The following RPS6KB2 variants were observed in gnomAD, a reference collection of about 807,000 sequenced individuals.
RPS6KB2 encodes ribosomal protein S6 kinase beta-2.
Under a neutral mutation model 58.2 loss-of-function variants are expected in RPS6KB2, and 51 were observed. That is an observed-to-expected ratio of 0.88 (90% confidence interval 0.70 to 1.11). The LOEUF (loss-of-function observed/expected upper bound fraction) is 1.11, where lower values mean the gene tolerates loss of function less well. Among genes scored for constraint, RPS6KB2 ranks in the 50% least tolerant of loss-of-function variants. RPS6KB2 has a pLI of 0.00. For synonymous variants in RPS6KB2, 293 were observed against 258.6 expected (o/e 1.13, Z -1.28); for missense variants, 671 against 655.8 (o/e 1.02, Z -0.25).
In RPS6KB2 at chr11:67,435,156, G is replaced by A. The variant is rs1028574404; in HGVS notation, c.1436G>A (p.Arg479His). The A allele has an allele frequency of 2.7e-5, 43 of 1,582,916 alleles. No individual in the cohort carries two copies. The highest frequency in any genetic ancestry group is 3.3e-5 in the Non-Finnish European group (39 of 1,169,406). Residue 479 changes from arginine to histidine, a missense_variant, in exon 15 of 15, where the codon CGT becomes CAT. Arg to His is a conservative substitution (Grantham distance 29). Transcript: ENST00000312629. ...GTKKSKRGRG[R>H]PGR is the part of the protein sequence containing the mutation. Reference sequence around the variant, plus strand: ...AAGAAGTCCAAGAGGGGCCGTGGGCGTCCAGGGCGCTAGGAAGCCGGGTGG... The same window carrying A: ...AAGAAGTCCAAGAGGGGCCGTGGGCATCCAGGGCGCTAGGAAGCCGGGTGG...
At position 67,434,064 on chromosome 11, in the gene RPS6KB2, T is replaced by G; in HGVS notation, c.969+7T>G. 1 of 1,613,984 alleles carries G rather than the reference T, an allele frequency of 6.2e-7. No individual in the cohort carries two copies. The highest frequency in any genetic ancestry group is 8.5e-7 in the Non-Finnish European group (1 of 1,179,932). Reference sequence around the variant, plus strand: ...GGATGCTGCTGATGTGCAGGTGGGTTTGGGACCACCACCAGGGGTAGGGCT... The same window carrying G: ...GGATGCTGCTGATGTGCAGGTGGGTGTGGGACCACCACCAGGGGTAGGGCT... On this transcript the variant is annotated splice_region_variant and intron_variant, in intron 11 of 14. Coordinates refer to ENST00000312629, the MANE Select transcript of RPS6KB2 (RefSeq NM_003952.3).
rs767085004 is a variant in RPS6KB2 at position 67,431,520 on chromosome 11, G to A, written c.457+5G>A. Reference sequence around the variant, plus strand: ...TCATCCTTGAGTGCCTCAGTGGTATGAGTGCGGGCCCAGGCAGGGGTGCTG... The same window carrying A: ...TCATCCTTGAGTGCCTCAGTGGTATAAGTGCGGGCCCAGGCAGGGGTGCTG... On this transcript the variant is annotated splice_donor_5th_base_variant and intron_variant, in intron 5 of 14. Coordinates refer to ENST00000312629, the MANE Select transcript of RPS6KB2 (RefSeq NM_003952.3). 3 of 1,613,876 alleles carry A rather than the reference G, an allele frequency of 1.9e-6. No individual in the cohort carries two copies. The highest frequency in any genetic ancestry group is 3.3e-5 in the Admixed American group (2 of 60,012).
In RPS6KB2 at chr11:67,433,058, C is replaced by T. The variant is rs367565835; in HGVS notation, c.707+16C>T. 2.0e-4 allele frequency: 317 copies of T among 1,612,808 alleles called. No individual in the cohort carries two copies. The highest frequency in any genetic ancestry group is 2.6e-4 in the Non-Finnish European group (309 of 1,179,862). ...TTGAGTACATGTAAGTGGCACCTGGCTGGCCCAGGGGTCGGGAGGACAGCC... is the reference window on the plus strand; with the variant it reads ...TTGAGTACATGTAAGTGGCACCTGGTTGGCCCAGGGGTCGGGAGGACAGCC... On this transcript the variant is annotated intron_variant, in intron 8 of 14. Coordinates refer to ENST00000312629, the MANE Select transcript of RPS6KB2 (RefSeq NM_003952.3).
chr11:67,434,572 C>T lies in RPS6KB2; in HGVS notation c.1156-10C>T, dbSNP rs1565149010. 8 of 1,599,120 alleles carry T rather than the reference C, an allele frequency of 5.0e-6. No homozygotes were observed. The highest frequency in any genetic ancestry group is 3.3e-5 in the South Asian group (3 of 90,132). On this transcript the variant is annotated splice_polypyrimidine_tract_variant and intron_variant, in intron 13 of 14. Transcript: ENST00000312629. ...ACTGAGTGTCGCATGGCCCTGCCTC[C>T]GCCCCCCAGGGCTTCACATACGTGG...
Position 67,430,902 on chromosome 11 carries a change from A to C in RPS6KB2, c.310-466A>C, listed in dbSNP as rs1441138448. ...CCGAGGTTGAGAAACCCTGTGTTAG[A>C]GGATAAACCCATCCCTGAAAATGAT... On this transcript the variant is annotated intron_variant, in intron 4 of 14. Transcript: ENST00000312629. 3 of 153,980 alleles carry C rather than the reference A, an allele frequency of 1.9e-5. No individual in the cohort carries two copies. In the East Asian group the frequency reaches 5.8e-4, roughly 30 times the overall value. The allele number at this position is 153,980 out of a possible 1,614,324, so 9.5% of individuals were successfully genotyped here.
chr11:67,429,231 C>A lies in RPS6KB2; in HGVS notation c.231C>A (p.Gly77=), dbSNP rs763046615. ...FELLRVLGKG[G]YGKVFQVRKV... is the part of the protein sequence containing the mutation. The stretch of plus-strand genomic sequence containing the variant: ...TGCTGCGTGTGCTGGGCAAGGGGGG[C>A]TATGGCAAGGTAGGGGCGGGCGCAC... Residue 77 remains glycine, a synonymous_variant, in exon 3 of 15, where the codon GGC becomes GGA. Coordinates refer to ENST00000312629, the MANE Select transcript of RPS6KB2 (RefSeq NM_003952.3). 1 of 1,613,218 alleles carries A rather than the reference C, an allele frequency of 6.2e-7. No individual in the cohort carries two copies. The highest frequency in any genetic ancestry group is 1.7e-5 in the Admixed American group (1 of 60,022).
chr11:67,433,146 G>A lies in RPS6KB2; in HGVS notation c.728G>A (p.Arg243His). ...CCCAGGGCCCCTGAGATTCTGGTGC[G>A]CAGTGGCCACAACCGGGCTGTGGAC... is the stretch of plus-strand genomic sequence containing the variant. Reference protein sequence around the residue: ...IEYMAPEILVRSGHNRAVDWW... With the variant: ...IEYMAPEILVHSGHNRAVDWW... The change falls in exon 9 of 15, where the codon CGC becomes CAC. Residue 243 changes from arginine (R) to histidine (H), a missense_variant. Coordinates refer to ENST00000312629, the MANE Select transcript of RPS6KB2 (RefSeq NM_003952.3). The A allele has an allele frequency of 1.2e-6, 2 of 1,603,440 alleles. No individual in the cohort carries two copies. Among genetic ancestry groups the A allele is most frequent in the Non-Finnish European group, 1.7e-6 (2 of 1,176,212 alleles).
At position 67,429,756 on chromosome 11, in the gene RPS6KB2, C is replaced by G. The variant is rs1863964158; in HGVS notation, c.309+161C>G. 1.1e-5 allele frequency: 7 copies of G among 613,188 alleles called. No homozygotes were observed. The South Asian group carries it at 1.2e-4, about 10-fold the overall frequency. 38.0% of individuals were successfully genotyped at this position (613,188 alleles called of 1,614,324 possible). On this transcript the variant is annotated intron_variant, in intron 4 of 14. Coordinates refer to ENST00000312629, the MANE Select transcript of RPS6KB2 (RefSeq NM_003952.3). ...TGATGTGTATTGTCTTGCAGTAATT[C>G]TCAATGGGGGCAATTTTGACTCCCA...
At chr11:67,434,735 C>A in intron 14 of RPS6KB2, 41 bp downstream of exon 14, 1 of 1,481,792 alleles carries the variant, frequency 6.7e-7, no homozygotes, top group Non-Finnish European at 9.2e-7. Flanking sequence ...GTTAGGGACG[C>A]TGGCAGGCAG....
chr11:67,433,476 C>A, intron 10 of RPS6KB2, 29 bp downstream of exon 10: 3 of 1,519,984 alleles, frequency 2.0e-6, no homozygotes, highest in Non-Finnish European at 2.7e-6. Flanking sequence ...TTCTCCGGGG[C>A]CCTGCCAGCC....
Position 67,435,118 on chromosome 11 carries a change from C to T in RPS6KB2, c.1398C>T (p.Pro466=), listed in dbSNP as rs752720836. Residue 466 remains proline, a synonymous_variant, in exon 15 of 15, where the codon CCC becomes CCT. Coordinates refer to ENST00000312629, the MANE Select transcript of RPS6KB2 (RefSeq NM_003952.3). ...PSTTAPLPIR[P]PSGTKKSKRG... ...CCACCGCCCCTCTCCCCATCCGTCC[C>T]CCCTCAGGGACCAAGAAGTCCAAGA... 3 of 1,604,800 alleles carry T rather than the reference C, an allele frequency of 1.9e-6. No homozygotes were observed. The highest frequency in any genetic ancestry group is 2.5e-6 in the Non-Finnish European group (3 of 1,178,250).
At chr11:67,434,145 G>C in intron 11 of RPS6KB2, 53 bp from the exon 12 acceptor site, 3 of 1,609,422 alleles carry the variant, frequency 1.9e-6, no homozygotes, top group Non-Finnish European at 2.6e-6. Context: ...GGGAGTGACC[G>C]GGGGGCAAGC....
At position 67,432,441 on chromosome 11, in the gene RPS6KB2, G is replaced by A. The variant is rs897270957; in HGVS notation, c.458-159G>A. The A allele has an allele frequency of 3.3e-5, 26 of 785,876 alleles. No homozygotes were observed. The Admixed American group carries it at 3.6e-4, about 11-fold the overall frequency. The allele number at this position is 785,876 out of a possible 1,614,324, so 48.7% of individuals were successfully genotyped here. ...CAGGGCCAGGCACCGAGTAGGCGTC[G>A]GTAGATGTTTGCTGAATTGAATTGA... On this transcript the variant is annotated intron_variant, in intron 5 of 14. Coordinates refer to ENST00000312629, the MANE Select transcript of RPS6KB2 (RefSeq NM_003952.3).
At position 67,428,499 on chromosome 11, in the gene RPS6KB2, G is replaced by T. The variant is rs1385351048; in HGVS notation, c.-47G>T. 6.5e-7 allele frequency: 1 copy of T among 1,546,912 alleles called. No homozygotes were observed. Among genetic ancestry groups the T allele is most frequent in the African/African-American group, 1.4e-5 (1 of 73,432 alleles). ...TGTTTAGGTCCGGGACTGTCAGTCAGTGCGCGGCCAGGTACGGGCCGACGG... is the reference window on the plus strand; with the variant it reads ...TGTTTAGGTCCGGGACTGTCAGTCATTGCGCGGCCAGGTACGGGCCGACGG... On this transcript the variant is annotated 5_prime_UTR_variant, in exon 1 of 15. Transcript: ENST00000312629.
intron 10 of RPS6KB2, among the ~76,000 whole-genome samples, chr11:67,433,717 G>A (rs1043724828): frequency 2.6e-5 from 4 of 152,146 alleles, no homozygotes; most frequent in Admixed American, 6.5e-5. Context: ...GGCGAGCATC[G>A]GAGGTGTTAG....
rs1292184571 is a variant in RPS6KB2 at position 67,433,380 on chromosome 11, A to G, written c.839A>G (p.Lys280Arg). ...TAENRKKTMD[K>R]IIRGKLALPP... ...GAGAACCGGAAGAAAACCATGGATA[A>G]GATCATCAGGGGCAAGCTGGCACTG... is the stretch of plus-strand genomic sequence containing the variant. Residue 280 changes from lysine to arginine, a missense_variant, in exon 10 of 15, where the codon AAG becomes AGG. Physicochemically the swap from Lys to Arg is conservative, Grantham distance 26. Transcript: ENST00000312629. The G allele has an allele frequency of 6.2e-7, 1 of 1,613,848 alleles. No homozygotes were observed. Among genetic ancestry groups the G allele is most frequent in the African/African-American group, 1.3e-5 (1 of 74,904 alleles).
chr11:67,435,079 G>A lies in RPS6KB2; in HGVS notation c.1359G>A (p.Pro453=), dbSNP rs747048587. The A allele has an allele frequency of 1.1e-5, 18 of 1,610,700 alleles. No individual in the cohort carries two copies. The highest frequency in any genetic ancestry group is 1.4e-5 in the Non-Finnish European group (17 of 1,179,272). ...TELPLPPLLP[P]PPPSTTAPLP... is the part of the protein sequence containing the mutation. ...TACCTCTACCTCCACTCCTGCCACC[G>A]CCGCCGCCCTCGACCACCGCCCCTC... Residue 453 remains proline (P), a synonymous_variant, in exon 15 of 15, where the codon CCG becomes CCA. Coordinates refer to ENST00000312629, the MANE Select transcript of RPS6KB2 (RefSeq NM_003952.3).
chr11:67,432,529 A>C (rs1237383622), intron 5 of RPS6KB2, 71 bp from the exon 6 acceptor site: 1 of 1,530,170 alleles, frequency 6.5e-7, no homozygotes, highest in Non-Finnish European at 9.1e-7. Flanking sequence ...TTCCCCAAGA[A>C]GAAATAAAGA....
intron 3 of RPS6KB2, 132 bp downstream of exon 3, chr11:67,429,372 G>A: frequency 7.0e-7 from 1 of 1,421,740 alleles, no homozygotes; most frequent in Non-Finnish European, 9.7e-7. Flanking sequence ...ATAAAGGAGG[G>A]AAGGCCAAAT....
Sources: allele counts gnomAD v4.1 joint callset (sites outside exome capture counted in the v4.1 genomes callset), GRCh38; gene constraint gnomAD v4.1.1; transcripts MANE v1.5; gene names NCBI Gene and HGNC (gene_info 2026-07-23, HGNC 2026-07-21).